The following DUSP16 variants were observed in gnomAD, a reference collection of about 807,000 sequenced individuals.
The protein encoded by DUSP16 is dual specificity protein phosphatase 16.
A neutral mutation model predicts 58.3 loss-of-function variants in DUSP16; 21 were observed. That is an observed-to-expected ratio of 0.36 (90% confidence interval 0.26 to 0.52). The LOEUF is 0.52. DUSP16 is among the 20% of genes least tolerant of loss of function. DUSP16 has a pLI of 0.94. For missense variants in DUSP16, 726 were observed against 819.0 expected (o/e 0.89, Z 1.39); for synonymous variants, 320 against 323.8 (o/e 0.99, Z 0.12).
chr12:12,498,670 C>A (rs1040761072), intron 4 of DUSP16, among the ~76,000 whole-genome samples: 3 of 152,162 alleles, frequency 2.0e-5, no homozygotes, highest in Non-Finnish European at 4.4e-5. Context: ...CCACCTGACC[C>A]TTCCAAGGTG....
In DUSP16 at chr12:12,476,675, A is replaced by AC. The variant is rs1565963936; in HGVS notation, c.*157_*158insG. On this transcript the variant is annotated 3_prime_UTR_variant, in exon 7 of 7. Transcript: ENST00000298573. ...TGATCTCTCAAATGCAGATGTTAAG[A>AC]GAGTAACAACTGGGTTGATCCACCT... is the stretch of plus-strand genomic sequence containing the variant. 1.3e-5 allele frequency: 8 copies of AC among 615,270 alleles called. No individual in the cohort carries two copies. Among genetic ancestry groups the AC allele is most frequent in the African/African-American group, 3.7e-5 (2 of 53,834 alleles). The allele number at this position is 615,270 out of a possible 1,614,324, so 38.1% of individuals were successfully genotyped here. A position where few individuals can be genotyped will look rare whatever the true frequency, so the allele number is the denominator to read the frequency against.
At chr12:12,559,691 T>C (rs369626009) in intron 1 of DUSP16, among the ~76,000 whole-genome samples, 23 of 152,232 alleles carry the variant, frequency 1.5e-4, no homozygotes, top group African/African-American at 5.5e-4. Context: ...GACAGCTATA[T>C]AAGTCTGCTT....
At chr12:12,509,605 CTG>C (rs1944046991) in intron 3 of DUSP16, among the ~76,000 whole-genome samples, 1 of 152,118 alleles carries the variant, frequency 6.6e-6, no homozygotes, top group South Asian at 2.1e-4. Flanking sequence ...TGTGAAATAA[CTG>C]TGTATGTGTT....
At chr12:12,554,581 T>C (rs1019730886) in intron 1 of DUSP16, 3 of 152,252 alleles carry the variant, frequency 2.0e-5, no homozygotes, top group Admixed American at 1.3e-4. Flanking sequence ...CAATACTCTT[T>C]TATTCATTTC....
chr12:12,537,878 T>C (rs1307125791), intron 1 of DUSP16, among the ~76,000 whole-genome samples: 2 of 151,908 alleles, frequency 1.3e-5, no homozygotes, highest in African/African-American at 4.8e-5. Context: ...TTAGCTAATC[T>C]ATAAAACTCC....
At position 12,500,621 on chromosome 12, in the gene DUSP16, G is replaced by A; in HGVS notation, c.429C>T (p.Val143=). Residue 143 remains valine, a synonymous_variant, in exon 4 of 7, where the codon GTC becomes GTT. Coordinates refer to ENST00000298573, the MANE Select transcript of DUSP16 (RefSeq NM_030640.3). ...PGLCEGKSTL[V]PTCISQPCLP... ...AGCAAGGCTGAGAAATGCAGGTAGG[G>A]ACTAGAGTGGATTTTCCTTCACAGA... 2 of 1,610,370 alleles carry A rather than the reference G, an allele frequency of 1.2e-6. No homozygotes were observed. Among genetic ancestry groups the A allele is most frequent in the Non-Finnish European group, 8.5e-7 (1 of 1,178,434 alleles).
intron 4 of DUSP16, among the ~76,000 whole-genome samples, chr12:12,490,247 G>A (rs1394376147): frequency 6.6e-6 from 1 of 152,134 alleles, no homozygotes; most frequent in African/African-American, 2.4e-5. Context: ...AAAATGGACT[G>A]AGAAAAAATT....
At chr12:12,499,208 A>T (rs1176465977) in intron 4 of DUSP16, among the ~76,000 whole-genome samples, 1 of 152,240 alleles carries the variant, frequency 6.6e-6, no homozygotes, top group African/African-American at 2.4e-5. Flanking sequence ...TAGGAATTTT[A>T]TTTTATTTTC....
intron 1 of DUSP16, among the ~76,000 whole-genome samples, chr12:12,526,900 A>G (rs1388736128): frequency 6.6e-6 from 1 of 152,146 alleles, no homozygotes; most frequent in Admixed American, 6.5e-5. Context: ...ACCCACTCCC[A>G]AGGCCTGCAT....
intron 1 of DUSP16, among the ~76,000 whole-genome samples, chr12:12,534,109 C>T (rs1487307808): frequency 6.6e-6 from 1 of 152,192 alleles, no homozygotes; most frequent in Non-Finnish European, 1.5e-5. Flanking sequence ...TTCCACTTCT[C>T]TTCCAATCCC....
In DUSP16 at chr12:12,529,537, T is replaced by C. The variant is rs1335925967; in HGVS notation, c.-365-8074A>G. Among the ~76,000 whole-genome samples the C allele has an allele frequency of 2.6e-5, 4 of 152,254 alleles. No individual in the cohort carries two copies. In the East Asian group the frequency reaches 7.7e-4, roughly 29 times the overall value. On this transcript the variant is annotated intron_variant, in intron 1 of 6. Coordinates refer to ENST00000298573, the MANE Select transcript of DUSP16 (RefSeq NM_030640.3). ...GCATTACCACACATAGCCATCATTG[T>C]TGTGATGAGAACACTTAACATCCAC...
At chr12:12,543,562 A>G (rs917196217) in intron 1 of DUSP16, among the ~76,000 whole-genome samples, 6 of 152,192 alleles carry the variant, frequency 3.9e-5, no homozygotes, top group Non-Finnish European at 7.3e-5. Context: ...TATGTGAAAT[A>G]CTTTTCCCTG....
intron 3 of DUSP16, among the ~76,000 whole-genome samples, chr12:12,512,491 C>G (rs1191373433): frequency 1.3e-5 from 2 of 152,130 alleles, no homozygotes; most frequent in Admixed American, 1.3e-4. Context: ...ATTACCCCAG[C>G]CCTCCAGCCC....
intron 1 of DUSP16, among the ~76,000 whole-genome samples, chr12:12,545,040 A>C (rs1944621542): frequency 2.0e-5 from 3 of 152,144 alleles, no homozygotes; most frequent in Admixed American, 1.3e-4. Flanking sequence ...GTTCTTCCTT[A>C]ATATTACCTT....
rs542941749 is a variant in DUSP16 at position 12,524,928 on chromosome 12, A to T, written c.-365-3465T>A. Reference sequence around the variant, plus strand: ...GAAACTTCAGCAAATACATTTAAATAAAAAAAAACTAAATATATTCATAAT... The same window carrying T: ...GAAACTTCAGCAAATACATTTAAATTAAAAAAAACTAAATATATTCATAAT... On this transcript the variant is annotated intron_variant, in intron 1 of 6. Transcript: ENST00000298573. Among the ~76,000 whole-genome samples the T allele has an allele frequency of 5.3e-4, 80 of 150,038 alleles. No homozygotes were observed. The Middle Eastern group carries it at 0.014, about 26-fold the overall frequency.
chr12:12,530,107 C>T (rs938492930), intron 1 of DUSP16, among the ~76,000 whole-genome samples: 26 of 152,084 alleles, frequency 1.7e-4, no homozygotes, highest in African/African-American at 5.6e-4. Context: ...TCCATAATGG[C>T]TATAAATAGT....
intron 3 of DUSP16, among the ~76,000 whole-genome samples, chr12:12,504,880 A>C (rs1943969201): frequency 6.6e-6 from 1 of 152,166 alleles, no homozygotes; most frequent in African/African-American, 2.4e-5. Context: ...CTGTCTCAAA[A>C]AAATACATAC....
intron 1 of DUSP16, among the ~76,000 whole-genome samples, chr12:12,534,319 G>A (rs912134345): frequency 1.3e-5 from 2 of 152,322 alleles, no homozygotes; most frequent in Non-Finnish European, 2.9e-5. Flanking sequence ...ATGATATCAG[G>A]AAGCTGTATC....
chr12:12,520,789 C>T, intron 2 of DUSP16, 82 bp downstream of exon 2: 2 of 1,517,216 alleles, frequency 1.3e-6, no homozygotes, highest in Non-Finnish European at 1.8e-6. Context: ...ACTTTCTCTA[C>T]TTAAAGAGGA....
Sources: gnomAD v4.1 joint callset for allele counts (sites outside exome capture counted in the v4.1 genomes callset) on GRCh38, gnomAD v4.1.1 for gene constraint, MANE v1.5 for transcripts, NCBI Gene and HGNC (gene_info 2026-07-23, HGNC 2026-07-21) for gene names.